The following DOCK3 variants were observed in gnomAD, a reference collection of about 807,000 sequenced individuals.
The protein encoded by DOCK3 is dedicator of cytokinesis protein 3.
In DOCK3, 60 loss-of-function variants were observed where a neutral mutation model predicts 265.6. That is an observed-to-expected ratio of 0.23 (90% CI 0.18 to 0.28). The LOEUF (loss-of-function observed/expected upper bound fraction) is 0.28, where lower values mean the gene tolerates loss of function less well. DOCK3 is among the 10% of genes least tolerant of loss of function. The pLI, the probability that DOCK3 is intolerant of heterozygous loss-of-function variation, is 1.00. For synonymous variants in DOCK3, 881 were observed against 938.0 expected (o/e 0.94, Z 1.11); for missense variants, 1,981 against 2,594.3 (o/e 0.76, Z 5.14).
At chr3:51,061,757 T>C (rs1296989941) in intron 5 of DOCK3, among the ~76,000 whole-genome samples, 1 of 152,110 alleles carries the variant, frequency 6.6e-6, no homozygotes, top group African/African-American at 2.4e-5. Flanking sequence ...TCATTTGGCT[T>C]TCATGACACA....
intron 5 of DOCK3, among the ~76,000 whole-genome samples, chr3:50,950,329 A>G (rs999302477): frequency 2.0e-5 from 3 of 151,952 alleles, no homozygotes; most frequent in African/African-American, 7.3e-5. Context: ...GACATGTTTT[A>G]TTTTGAGCTA....
chr3:51,360,209 C>A (rs974239354), intron 46 of DOCK3, among the ~76,000 whole-genome samples: 1 of 152,176 alleles, frequency 6.6e-6, no homozygotes. Flanking sequence ...AGCGAGAAAA[C>A]CTGTTAACAC....
rs1167995806 is a variant in DOCK3, at chr3:50,969,438, A to G, written c.315+35361A>G. Among the ~76,000 whole-genome samples the G allele has an allele frequency of 2.6e-5, 4 of 152,290 alleles. No individual in the cohort carries two copies. The South Asian group carries it at 6.2e-4, about 24-fold the overall frequency. On this transcript the variant is annotated intron_variant, in intron 5 of 52. Transcript: ENST00000266037. ...TGTTTTTAAAATTTATTCCACCAAT[A>G]TGTATCATTTAAATGGTGCATTTAA...
At chr3:51,147,367 G>A (rs1576236004) in intron 10 of DOCK3, among the ~76,000 whole-genome samples, 1 of 152,146 alleles carries the variant, frequency 6.6e-6, no homozygotes, top group African/African-American at 2.4e-5. Context: ...TATACTTTAA[G>A]TTCTAGGGTA....
chr3:51,202,058 CA>C (rs2088817806), intron 12 of DOCK3, among the ~76,000 whole-genome samples: 1 of 152,040 alleles, frequency 6.6e-6, no homozygotes, highest in African/African-American at 2.4e-5. Context: ...TCAATGCCCA[CA>C]AAAGAAAGCA....
chr3:51,039,757 C>G (rs1457164002), intron 5 of DOCK3, among the ~76,000 whole-genome samples: 1 of 151,980 alleles, frequency 6.6e-6, no homozygotes, highest in Non-Finnish European at 1.5e-5. Context: ...CCCAGTCTAT[C>G]ATGTCTGCTC....
At chr3:51,342,930 C>T (rs2085333286) in intron 38 of DOCK3, among the ~76,000 whole-genome samples, 1 of 152,108 alleles carries the variant, frequency 6.6e-6, no homozygotes, top group Non-Finnish European at 1.5e-5. Context: ...CAGTGAGCCC[C>T]CTCATGAGCT....
intron 9 of DOCK3, among the ~76,000 whole-genome samples, chr3:51,114,809 C>A (rs1402390926): frequency 2.0e-5 from 3 of 151,986 alleles, no homozygotes; most frequent in African/African-American, 4.8e-5. Context: ...CCCTTGCCCC[C>A]CAACCCCCAA....
chr3:50,966,617 G>A (rs1462177436), intron 5 of DOCK3, among the ~76,000 whole-genome samples: 1 of 148,850 alleles, frequency 6.7e-6, no homozygotes, highest in Admixed American at 6.9e-5. Context: ...TCATACACCT[G>A]TTGCCATATG....
intron 39 of DOCK3, among the ~76,000 whole-genome samples, chr3:51,349,309 C>G (rs2085810842): frequency 6.6e-6 from 1 of 152,162 alleles, no homozygotes; most frequent in Non-Finnish European, 1.5e-5. Flanking sequence ...TGCTTATGGT[C>G]ACTTTTAAGC....
intron 12 of DOCK3, among the ~76,000 whole-genome samples, chr3:51,198,985 G>A (rs539602390): frequency 2.0e-5 from 3 of 152,154 alleles, no homozygotes; most frequent in African/African-American, 7.2e-5. Context: ...ACCCGAAGAC[G>A]TGCCATTGCA....
Position 51,146,641 on chromosome 3 carries a change from A to T in DOCK3, c.828+11A>T. On this transcript the variant is annotated intron_variant, in intron 10 of 52. Coordinates refer to ENST00000266037, the MANE Select transcript of DOCK3 (RefSeq NM_004947.5). ...TGTGCCCTTTTTACAGTATGTACGA[A>T]TTCTCTTTTTCTTCTTTGCTGTTGA... 3 of 1,571,446 alleles carry T rather than the reference A, an allele frequency of 1.9e-6. No homozygotes were observed. The highest frequency in any genetic ancestry group is 2.6e-6 in the Non-Finnish European group (3 of 1,157,120).
chr3:50,929,143 A>G (rs2050924648), intron 4 of DOCK3, among the ~76,000 whole-genome samples: 1 of 152,182 alleles, frequency 6.6e-6, no homozygotes, highest in Non-Finnish European at 1.5e-5. Context: ...TAAGCCTTTG[A>G]ACATTATAGA....
intron 3 of DOCK3, chr3:50,877,194 A>T (rs1490388013): frequency 6.2e-6 from 2 of 324,636 alleles, no homozygotes; most frequent in South Asian, 2.7e-5. Flanking sequence ...CCTGAATGTC[A>T]TCTGGCTTCT....
At chr3:51,082,006 A>G (rs973534958) in intron 7 of DOCK3, among the ~76,000 whole-genome samples, 2 of 151,926 alleles carry the variant, frequency 1.3e-5, no homozygotes, top group Non-Finnish European at 2.9e-5. Flanking sequence ...TTAACTACAT[A>G]TTGAATAGAG....
intron 1 of DOCK3, among the ~76,000 whole-genome samples, chr3:50,767,216 T>C (rs1266843015): frequency 2.6e-5 from 4 of 152,194 alleles, no homozygotes; most frequent in Non-Finnish European, 5.9e-5. Context: ...TGAATGGTAT[T>C]GCCTAGGTTT....
At chr3:50,688,532 G>A (rs1040398398) in intron 1 of DOCK3, among the ~76,000 whole-genome samples, 2 of 152,046 alleles carry the variant, frequency 1.3e-5, no homozygotes, top group Non-Finnish European at 1.5e-5. Context: ...GTGCAATCTC[G>A]GCTCGCTGCA....
intron 5 of DOCK3, among the ~76,000 whole-genome samples, chr3:50,938,957 A>G (rs2051546801): frequency 6.6e-6 from 1 of 151,862 alleles, no homozygotes; most frequent in Non-Finnish European, 1.5e-5. Context: ...GAAATTAATG[A>G]AATTTAAAAA....
chr3:50,683,156 C>G (rs1168398118), intron 1 of DOCK3, among the ~76,000 whole-genome samples: 2 of 152,204 alleles, frequency 1.3e-5, no homozygotes, highest in Non-Finnish European at 2.9e-5. Context: ...TATAACAACT[C>G]TAGGTTTTAT....
Sources: allele counts gnomAD v4.1 joint callset (sites outside exome capture counted in the v4.1 genomes callset), GRCh38; gene constraint gnomAD v4.1.1; transcripts MANE v1.5; gene names NCBI Gene and HGNC (gene_info 2026-07-23, HGNC 2026-07-21).